CSMD1: variants seen among roughly 807,000 people sequenced by gnomAD.
CSMD1 encodes the protein CUB and Sushi multiple domains 1, also known as CUB and sushi domain-containing protein 1.
Under a neutral mutation model 417.5 loss-of-function variants are expected in CSMD1, and 213 were observed. The observed-to-expected ratio is 0.51, with a 90% confidence interval of 0.46 to 0.57. CSMD1 has a LOEUF of 0.57. CSMD1 is among the 20% of genes least tolerant of loss of function. The pLI is 0.00. For missense variants in CSMD1, 6,923 were observed against 4,529.7 expected (o/e 1.53, Z -15.17); for synonymous variants, 2,862 against 1,736.8 (o/e 1.65, Z -16.11).
intron 1 of CSMD1, among the ~76,000 whole-genome samples, chr8:4,836,326 A>G (rs908051949): frequency 7.9e-5 from 12 of 152,162 alleles, no homozygotes; most frequent in African/African-American, 2.9e-4. Context: ...TTAGCAGTGC[A>G]CCATTTCCAT....
In CSMD1 at chr8:3,634,627, A is replaced by T. The variant is rs531452403; in HGVS notation, c.1010-17830T>A. Among the ~76,000 whole-genome samples, 4 of 152,240 alleles carry T rather than the reference A, an allele frequency of 2.6e-5. No homozygotes were observed. The South Asian group carries it at 8.3e-4, about 32-fold the overall frequency. ...TGAGCTCTGTGCAGCCTTCTATCAA[A>T]TTACTTAACTCGAGAGTGGTACTGG... is the stretch of plus-strand genomic sequence containing the variant. On this transcript the variant is annotated intron_variant, in intron 7 of 69. Transcript: ENST00000635120.
chr8:4,442,774 G>A (rs1377788656), intron 2 of CSMD1, among the ~76,000 whole-genome samples: 1 of 152,076 alleles, frequency 6.6e-6, no homozygotes, highest in African/African-American at 2.4e-5. Context: ...AGACAGTAAT[G>A]GTCTGTGATA....
At chr8:4,363,650 G>C (rs1266261646) in intron 3 of CSMD1, among the ~76,000 whole-genome samples, 1 of 152,142 alleles carries the variant, frequency 6.6e-6, no homozygotes, top group Non-Finnish European at 1.5e-5. Flanking sequence ...CATACAACTG[G>C]CAGGCAGCCT....
intron 3 of CSMD1, among the ~76,000 whole-genome samples, chr8:4,070,656 CACCACCTATA>C (rs1799506712): frequency 6.6e-6 from 1 of 152,144 alleles, no homozygotes; most frequent in Admixed American, 6.5e-5. Context: ...CGTGCCCGGC[CACCACCTATA>C]ACACTCTCTA....
intron 1 of CSMD1, among the ~76,000 whole-genome samples, chr8:4,817,226 G>C (rs1799260136): frequency 1.3e-5 from 2 of 152,102 alleles, no homozygotes; most frequent in Admixed American, 6.5e-5. Context: ...TTTTAACCTA[G>C]ATTTGCAGTT....
At chr8:4,135,337 A>C (rs79627718) in intron 3 of CSMD1, among the ~76,000 whole-genome samples, 1 of 33,842 alleles carries the variant, frequency 3.0e-5, no homozygotes, top group Non-Finnish European at 6.3e-5. Flanking sequence ...GGAAGGGGAA[A>C]GAAGGAAGGA....
At chr8:4,763,087 T>C (rs1292420337) in intron 1 of CSMD1, among the ~76,000 whole-genome samples, 1 of 152,106 alleles carries the variant, frequency 6.6e-6, no homozygotes, top group Non-Finnish European at 1.5e-5. Context: ...AATTGTTGAA[T>C]GGACAGAAAA....
intron 3 of CSMD1, among the ~76,000 whole-genome samples, chr8:4,231,145 A>G (rs1053711271): frequency 1.3e-5 from 2 of 152,200 alleles, no homozygotes; most frequent in African/African-American, 4.8e-5. Context: ...ACGAAAACTA[A>G]CAGGATATTG....
intron 5 of CSMD1, among the ~76,000 whole-genome samples, chr8:3,806,921 C>T (rs1383599307): frequency 6.6e-6 from 1 of 152,038 alleles, no homozygotes; most frequent in Non-Finnish European, 1.5e-5. Flanking sequence ...TAGTGAGGTA[C>T]TTATTCTAAT....
intron 12 of CSMD1, among the ~76,000 whole-genome samples, chr8:3,425,741 G>C (rs192793321): frequency 7.2e-5 from 11 of 152,242 alleles, no homozygotes; most frequent in Admixed American, 4.6e-4. Context: ...GCTAGGTTCG[G>C]ATACCCTTTT....
At chr8:3,569,482 G>C (rs1435340399) in intron 10 of CSMD1, among the ~76,000 whole-genome samples, 1 of 152,156 alleles carries the variant, frequency 6.6e-6, no homozygotes, top group Non-Finnish European at 1.5e-5. Flanking sequence ...GACTAAGAGA[G>C]AATTGGCGTC....
chr8:3,046,974 C>A (rs1471538477), intron 50 of CSMD1, among the ~76,000 whole-genome samples: 1 of 152,108 alleles, frequency 6.6e-6, no homozygotes, highest in African/African-American at 2.4e-5. Flanking sequence ...CTTTGGGAGG[C>A]CGAGGCGGGT....
chr8:4,073,572 A>G (rs7833626), intron 3 of CSMD1, among the ~76,000 whole-genome samples: 17,068 of 152,172 alleles, frequency 0.11, 1,099 homozygotes, highest in Middle Eastern at 0.18. Context: ...ATCCTACAGT[A>G]TGAGGGATAT....
At chr8:3,716,160 T>C (rs191943005) in intron 6 of CSMD1, among the ~76,000 whole-genome samples, 1,673 of 152,308 alleles carry the variant, frequency 0.011, 14 homozygotes, top group Non-Finnish European at 0.019. Context: ...CACTGGCCGC[T>C]CCTTGTTCAC....
chr8:3,503,015 G>C (rs1455602042), intron 10 of CSMD1, among the ~76,000 whole-genome samples: 2 of 152,122 alleles, frequency 1.3e-5, no homozygotes, highest in Non-Finnish European at 2.9e-5. Context: ...GGGAAACTAT[G>C]TCTTCTGATC....
intron 26 of CSMD1, among the ~76,000 whole-genome samples, chr8:3,257,912 C>G (rs570393635): frequency 4.6e-5 from 7 of 152,140 alleles, no homozygotes; most frequent in Non-Finnish European, 8.8e-5. Context: ...GGGCGTGAAG[C>G]TTATATTTTA....
At chr8:4,179,413 A>G (rs1367115398) in intron 3 of CSMD1, among the ~76,000 whole-genome samples, 10 of 152,248 alleles carry the variant, frequency 6.6e-5, no homozygotes, top group Admixed American at 4.6e-4. Context: ...CTTACACCCT[A>G]TACAAAAATC....
intron 2 of CSMD1, among the ~76,000 whole-genome samples, chr8:4,439,840 A>C (rs901409629): frequency 6.6e-6 from 1 of 152,196 alleles, no homozygotes; most frequent in Non-Finnish European, 1.5e-5. Context: ...ACTAATACAG[A>C]AGGCAGCTTC....
chr8:3,671,737 G>A (rs1368209324), intron 7 of CSMD1, among the ~76,000 whole-genome samples: 2 of 151,894 alleles, frequency 1.3e-5, no homozygotes, highest in East Asian at 2.0e-4. Flanking sequence ...CCGGCAGGCT[G>A]CCTGGGACAC....
Sources: allele counts gnomAD v4.1 joint callset (sites outside exome capture counted in the v4.1 genomes callset), GRCh38; gene constraint gnomAD v4.1.1; transcripts MANE v1.5; gene names NCBI Gene and HGNC (gene_info 2026-07-23, HGNC 2026-07-21).